CACNG5: variants seen among roughly 807,000 people sequenced by gnomAD.
CACNG5 encodes the protein voltage-dependent calcium channel gamma-5 subunit.
Under a neutral mutation model 24.8 loss-of-function variants are expected in CACNG5, and 18 were observed. The observed-to-expected ratio is 0.73, with a 90% CI of 0.50 to 1.08. The LOEUF is 1.08. CACNG5 is among the 50% of genes least tolerant of loss of function. The pLI, the probability that CACNG5 is intolerant of heterozygous loss-of-function variation, is 0.00. For synonymous variants in CACNG5, 157 were observed against 149.1 expected (o/e 1.05, Z -0.39); for missense variants, 349 against 367.9 (o/e 0.95, Z 0.42).
chr17:66,867,663 G>A (rs1976949027), intron 1 of CACNG5, among the ~76,000 whole-genome samples: 1 of 152,144 alleles, frequency 6.6e-6, no homozygotes, highest in Non-Finnish European at 1.5e-5. Context: ...TGTAAGGAAG[G>A]GGTCCAGTTT....
chr17:66,869,169 C>T (rs375995344), intron 1 of CACNG5, among the ~76,000 whole-genome samples: 1 of 152,052 alleles, frequency 6.6e-6, no homozygotes, highest in Non-Finnish European at 1.5e-5. Context: ...CTGCAACCTC[C>T]GCCTCCCAGG....
At chr17:66,867,713 T>C (rs1976949979) in intron 1 of CACNG5, among the ~76,000 whole-genome samples, 1 of 152,220 alleles carries the variant, frequency 6.6e-6, no homozygotes, top group African/African-American at 2.4e-5. Context: ...CCAAGCACTG[T>C]TTATTAAATA....
At position 66,889,865 on chromosome 17, in the gene CACNG5, C is replaced by T. The variant is rs1029316745; in HGVS notation, c.*4625C>T. ...AAAAATGTTTGGCCAAATATTTGGGCAGCACCATGGCCCAGCCACACTGAC... is the reference window on the plus strand; with the variant it reads ...AAAAATGTTTGGCCAAATATTTGGGTAGCACCATGGCCCAGCCACACTGAC... On this transcript the variant is annotated 3_prime_UTR_variant, in exon 6 of 6. Coordinates refer to ENST00000533854, the MANE Select transcript of CACNG5 (RefSeq NM_145811.3). Among the ~76,000 whole-genome samples the T allele has an allele frequency of 3.3e-5, 5 of 152,210 alleles. No individual in the cohort carries two copies. Among genetic ancestry groups the T allele is most frequent in the Non-Finnish European group, 7.3e-5 (5 of 68,042 alleles).
Position 66,885,059 on chromosome 17 carries a change from T to C in CACNG5, c.647T>C (p.Phe216Ser). 6.2e-7 allele frequency: 1 copy of C among 1,614,178 alleles called. No homozygotes were observed. Residue 216 changes from phenylalanine (F) to serine (S), a missense_variant, in exon 6 of 6, where the codon TTC becomes TCC. By Grantham distance (155) the Phe-to-Ser change is radical. Transcript: ENST00000533854. ...GACATGTACAGGCCCCACCCTGGCT[T>C]CTACCGCCCTCGGCTGAGCAACTGC... Reference protein sequence around the residue: ...AEDMYRPHPGFYRPRLSNCSD... With the variant: ...AEDMYRPHPGSYRPRLSNCSD...
chr17:66,843,631 T>C (rs1305645113), intron 1 of CACNG5, among the ~76,000 whole-genome samples: 1 of 152,056 alleles, frequency 6.6e-6, no homozygotes, highest in Admixed American at 6.6e-5. Context: ...CTGAATCACA[T>C]TGGAGCAAGG....
chr17:66,838,979 T>TTTTTG (rs1976524284), intron 1 of CACNG5, among the ~76,000 whole-genome samples: 1 of 145,830 alleles, frequency 6.9e-6, no homozygotes, highest in Non-Finnish European at 1.5e-5. Context: ...TTTTTTTTTT[T>TTTTTG]GAGACAGAGT....
intron 4 of CACNG5, among the ~76,000 whole-genome samples, chr17:66,882,839 T>C (rs1171385728): frequency 6.6e-6 from 1 of 152,092 alleles, no homozygotes; most frequent in Admixed American, 6.5e-5. Context: ...TCCTGAGTAA[T>C]TTTAGGATCC....
rs1384806487 is a variant in CACNG5, at chr17:66,866,086, AG to A, written c.-103-11143del. Among the ~76,000 whole-genome samples, 3 of 152,322 alleles carry A rather than the reference AG, an allele frequency of 2.0e-5. No individual in the cohort carries two copies. The East Asian group carries it at 5.8e-4, about 29-fold the overall frequency. ...AGCTGTAAGTATGGTTATTTACTGT[AG>A]ATTACAATAAAGGAAATTTTGGAAA... is the stretch of plus-strand genomic sequence containing the variant. On this transcript the variant is annotated intron_variant, in intron 1 of 5. Coordinates refer to ENST00000533854, the MANE Select transcript of CACNG5 (RefSeq NM_145811.3).
rs186643914 is a variant in CACNG5 at position 66,893,530 on chromosome 17, T to A, written c.*8290T>A. On this transcript the variant is annotated 3_prime_UTR_variant, in exon 6 of 6. Coordinates refer to ENST00000533854, the MANE Select transcript of CACNG5 (RefSeq NM_145811.3). ...ATGACACAAGTTTGGCCATGGAACA[T>A]GTTTGGCGTGTGTGGTTAGGGGTCA... Among the ~76,000 whole-genome samples the A allele has an allele frequency of 2.0e-5, 3 of 152,314 alleles. No individual in the cohort carries two copies. The highest frequency in any genetic ancestry group is 2.0e-4 in the Admixed American group (3 of 15,296).
In CACNG5 at chr17:66,859,511, C is replaced by T. The variant is rs1467130092; in HGVS notation, c.-103-17719C>T. 2.0e-5 allele frequency among the ~76,000 whole-genome samples: 3 copies of T among 152,146 alleles called. No homozygotes were observed. The South Asian group carries it at 6.2e-4, about 32-fold the overall frequency. ...CGCATCACAGTGCTTTGTAACCTGGCAGGGCCTTATTTGGTTGTCTTGTGA... is the reference window on the plus strand; with the variant it reads ...CGCATCACAGTGCTTTGTAACCTGGTAGGGCCTTATTTGGTTGTCTTGTGA... On this transcript the variant is annotated intron_variant, in intron 1 of 5. Transcript: ENST00000533854.
intron 5 of CACNG5, 33 bp from the exon 6 acceptor site, chr17:66,884,950 G>A: frequency 1.2e-6 from 2 of 1,614,114 alleles, no homozygotes; most frequent in Non-Finnish European, 1.7e-6. Flanking sequence ...GGCCCCAGCA[G>A]CGAGCCCATC....
chr17:66,845,304 G>T (rs2143031758), intron 1 of CACNG5, among the ~76,000 whole-genome samples: 1 of 152,152 alleles, frequency 6.6e-6, no homozygotes, highest in East Asian at 1.9e-4. Context: ...GGGGTGGTGG[G>T]CAAAGGGAAG....
intron 1 of CACNG5, among the ~76,000 whole-genome samples, chr17:66,869,085 CTTTCTTT>C (rs1976967812): frequency 6.6e-6 from 1 of 151,836 alleles, no homozygotes; most frequent in African/African-American, 2.4e-5. Flanking sequence ...TTTTTTCTTT[CTTTCTTT>C]TTTCTTTTTG....
At chr17:66,870,477 G>T (rs892308687) in intron 1 of CACNG5, among the ~76,000 whole-genome samples, 1 of 152,190 alleles carries the variant, frequency 6.6e-6, no homozygotes. Context: ...GGCTAAGGAT[G>T]CTATAAAACA....
chr17:66,855,384 C>G (rs1598049798), intron 1 of CACNG5, among the ~76,000 whole-genome samples: 1 of 152,250 alleles, frequency 6.6e-6, no homozygotes, highest in Non-Finnish European at 1.5e-5. Flanking sequence ...GGTCTCTGGG[C>G]CGCACCACCA....
intron 1 of CACNG5, among the ~76,000 whole-genome samples, chr17:66,857,747 C>G (rs1181459501): frequency 6.6e-6 from 1 of 152,186 alleles, no homozygotes; most frequent in African/African-American, 2.4e-5. Flanking sequence ...GTCTGCATAT[C>G]TTTAGGCCTG....
At chr17:66,859,191 T>A (rs1976823053) in intron 1 of CACNG5, among the ~76,000 whole-genome samples, 1 of 152,192 alleles carries the variant, frequency 6.6e-6, no homozygotes, top group Non-Finnish European at 1.5e-5. Flanking sequence ...AGTTTTTTTC[T>A]CTCCTTCTGC....
chr17:66,889,850 G>C lies in CACNG5; in HGVS notation c.*4610G>C, dbSNP rs1001940825. Among the ~76,000 whole-genome samples, 9 of 152,300 alleles carry C rather than the reference G, an allele frequency of 5.9e-5. No homozygotes were observed. Among genetic ancestry groups the C allele is most frequent in the African/African-American group, 2.2e-4 (9 of 41,562 alleles). On this transcript the variant is annotated 3_prime_UTR_variant, in exon 6 of 6. Coordinates refer to ENST00000533854, the MANE Select transcript of CACNG5 (RefSeq NM_145811.3). ...TCACAGGACAGTTAGAAAAATGTTT[G>C]GCCAAATATTTGGGCAGCACCATGG...
At chr17:66,867,498 G>C (rs1363976265) in intron 1 of CACNG5, among the ~76,000 whole-genome samples, 1 of 152,046 alleles carries the variant, frequency 6.6e-6, no homozygotes, top group Non-Finnish European at 1.5e-5. Context: ...GTCAATTTTT[G>C]CTTTTGTTGC....
Sources: gnomAD v4.1 joint callset for allele counts (sites outside exome capture counted in the v4.1 genomes callset) on GRCh38, gnomAD v4.1.1 for gene constraint, MANE v1.5 for transcripts, NCBI Gene and HGNC (gene_info 2026-07-23, HGNC 2026-07-21) for gene names.